NPAS3: variants seen among roughly 807,000 people sequenced by gnomAD.
The protein encoded by NPAS3 is neuronal PAS domain-containing protein 3.
NPAS3 carries 14 observed loss-of-function variants against 73.1 expected under a neutral mutation model. The observed-to-expected ratio is 0.19, with a 90% CI of 0.13 to 0.30. The LOEUF (loss-of-function observed/expected upper bound fraction) is 0.30. Ranked by LOEUF, NPAS3 falls within the 10% of genes least tolerant of loss-of-function variation. The pLI, the probability that NPAS3 is intolerant of heterozygous loss-of-function variation, is 1.00. For synonymous variants in NPAS3, 620 were observed against 541.5 expected (o/e 1.14, Z -2.01); for missense variants, 1,096 against 1,250.0 (o/e 0.88, Z 1.86).
intron 5 of NPAS3, among the ~76,000 whole-genome samples, chr14:33,666,326 C>T (rs375169730): frequency 9.2e-5 from 14 of 152,218 alleles, no homozygotes; most frequent in African/African-American, 3.4e-4. Context: ...ATCCAAGCCA[C>T]CTGTCCTTAC....
intron 2 of NPAS3, among the ~76,000 whole-genome samples, chr14:33,146,925 T>C (rs989418098): frequency 2.0e-5 from 3 of 152,250 alleles, no homozygotes; most frequent in African/African-American, 7.2e-5. Context: ...AAATTTTTGC[T>C]GTACCAAGGG....
intron 10 of NPAS3, among the ~76,000 whole-genome samples, chr14:33,795,210 C>T (rs1343353995): frequency 6.6e-6 from 1 of 152,238 alleles, no homozygotes; most frequent in African/African-American, 2.4e-5. Flanking sequence ...CTAGAGAGGG[C>T]CTTAATGTGC....
downstream of NPAS3, chr14:33,803,513 A>G (rs139772664): frequency 5.3e-5 from 8 of 152,296 alleles, no homozygotes; most frequent in African/African-American, 1.9e-4. Flanking sequence ...GGAGAAATTT[A>G]CAGATTAATT....
At chr14:33,419,337 G>T (rs558226232) in intron 4 of NPAS3, among the ~76,000 whole-genome samples, 129 of 151,792 alleles carry the variant, frequency 8.5e-4, no homozygotes, top group African/African-American at 3.0e-3. Flanking sequence ...TAACATCAAC[G>T]CATTTTTTTC....
chr14:33,599,773 G>A (rs550738832), intron 5 of NPAS3, among the ~76,000 whole-genome samples: 1 of 152,118 alleles, frequency 6.6e-6, no homozygotes, highest in Non-Finnish European at 1.5e-5. Flanking sequence ...TCGTTCAGGA[G>A]GGCTTACTTC....
intron 3 of NPAS3, among the ~76,000 whole-genome samples, chr14:33,350,872 G>C (rs552308990): frequency 2.0e-4 from 30 of 152,270 alleles, no homozygotes; most frequent in African/African-American, 7.2e-4. Context: ...AACCTCACTG[G>C]GATCAGCCTC....
At chr14:33,339,938 T>C (rs2044395214) in intron 3 of NPAS3, among the ~76,000 whole-genome samples, 1 of 152,178 alleles carries the variant, frequency 6.6e-6, no homozygotes, top group Non-Finnish European at 1.5e-5. Context: ...ATCCAGGATA[T>C]CAGTGTGTAA....
intron 4 of NPAS3, among the ~76,000 whole-genome samples, chr14:33,406,783 C>A (rs1165912400): frequency 6.6e-6 from 1 of 152,062 alleles, no homozygotes; most frequent in African/African-American, 2.4e-5. Context: ...CTAGTTTTAA[C>A]CAACTACTGC....
At chr14:32,978,257 G>A (rs1246507454) in intron 1 of NPAS3, among the ~76,000 whole-genome samples, 1 of 152,132 alleles carries the variant, frequency 6.6e-6, no homozygotes, top group African/African-American at 2.4e-5. Context: ...TGGAGGGTTG[G>A]CTCATTTGTA....
At chr14:32,994,078 A>C (rs1284905677) in intron 1 of NPAS3, among the ~76,000 whole-genome samples, 8 of 152,210 alleles carry the variant, frequency 5.3e-5, no homozygotes, top group Admixed American at 5.2e-4. Context: ...TGAGTTTTGT[A>C]GGTTAAAAGG....
At chr14:33,290,176 G>A (rs1243863779) in intron 3 of NPAS3, among the ~76,000 whole-genome samples, 1 of 152,188 alleles carries the variant, frequency 6.6e-6, no homozygotes, top group East Asian at 1.9e-4. Context: ...TGCCAAGACT[G>A]TCCACTATTA....
At chr14:33,657,621 G>A (rs938981734) in intron 5 of NPAS3, among the ~76,000 whole-genome samples, 1 of 152,184 alleles carries the variant, frequency 6.6e-6, no homozygotes, top group Non-Finnish European at 1.5e-5. Context: ...AAGAGGGGAA[G>A]AGGAAGCGGG....
At chr14:33,431,116 T>G (rs1218807725) in intron 4 of NPAS3, among the ~76,000 whole-genome samples, 2 of 152,046 alleles carry the variant, frequency 1.3e-5, no homozygotes, top group Non-Finnish European at 2.9e-5. Flanking sequence ...TCCATTAGAG[T>G]GGTGCTATTT....
chr14:33,007,173 T>C (rs950786594), intron 1 of NPAS3, among the ~76,000 whole-genome samples: 18 of 152,320 alleles, frequency 1.2e-4, no homozygotes, highest in African/African-American at 4.3e-4. Context: ...CCTTTCTAAG[T>C]GTGGATTGTA....
At chr14:33,026,331 T>C (rs1371200680) in intron 1 of NPAS3, among the ~76,000 whole-genome samples, 2 of 152,214 alleles carry the variant, frequency 1.3e-5, no homozygotes, top group Non-Finnish European at 2.9e-5. Flanking sequence ...CTTGCAATTG[T>C]ATGTTAATCA....
intron 3 of NPAS3, among the ~76,000 whole-genome samples, chr14:33,291,021 A>C (rs1399744879): frequency 6.6e-6 from 1 of 151,842 alleles, no homozygotes; most frequent in Non-Finnish European, 1.5e-5. Context: ...AGTGGTATCT[A>C]GCTGTACCTC....
chr14:33,178,778 A>T (rs1023434822), intron 2 of NPAS3, among the ~76,000 whole-genome samples: 1 of 151,570 alleles, frequency 6.6e-6, no homozygotes, highest in Non-Finnish European at 1.5e-5. Context: ...AGATAGTTTT[A>T]CTCCTTTCCT....
At chr14:33,759,251 G>A (rs1346774405) in intron 7 of NPAS3, among the ~76,000 whole-genome samples, 1 of 152,194 alleles carries the variant, frequency 6.6e-6, no homozygotes, top group East Asian at 1.9e-4. Flanking sequence ...ATGGGGAGAA[G>A]GTCATTGCTT....
chr14:33,042,244 A>G (rs973363205), intron 1 of NPAS3, among the ~76,000 whole-genome samples: 1 of 152,106 alleles, frequency 6.6e-6, no homozygotes, highest in African/African-American at 2.4e-5. Flanking sequence ...ACCTCTGGGG[A>G]TATTCCAACT....
Sources: gnomAD v4.1 joint callset for allele counts (sites outside exome capture counted in the v4.1 genomes callset) on GRCh38, gnomAD v4.1.1 for gene constraint, MANE v1.5 for transcripts, NCBI Gene and HGNC (gene_info 2026-07-23, HGNC 2026-07-21) for gene names.